The following C2orf76 variants were observed in gnomAD, a reference collection of about 807,000 sequenced individuals.
C2orf76 encodes chromosome 2 open reading frame 76, also known as UPF0538 protein C2orf76.
Under a neutral mutation model 16.9 loss-of-function variants are expected in C2orf76, and 23 were observed. That is an observed-to-expected ratio of 1.36 (90% CI 0.98 to 1.93). The LOEUF is 1.93. Among genes scored for constraint, C2orf76 ranks in the 30% most tolerant of loss-of-function variants. The pLI is 0.00. For missense variants in C2orf76, 152 were observed against 152.6 expected, an observed-to-expected ratio of 1.00 and a Z score of 0.02; for synonymous variants, 48 against 52.3, an observed-to-expected ratio of 0.92 and a Z score of 0.35.
chr2:119,307,688 T>A (rs1678836444), intron 5 of C2orf76, among the ~76,000 whole-genome samples: 1 of 151,748 alleles, frequency 6.6e-6, no homozygotes, highest in Non-Finnish European at 1.5e-5. Context: ...CAGTTTGGAG[T>A]CCTCACAACA....
intron 2 of C2orf76, among the ~76,000 whole-genome samples, chr2:119,335,711 T>G (rs893155172): frequency 1.3e-5 from 2 of 152,216 alleles, no homozygotes; most frequent in Non-Finnish European, 2.9e-5. Context: ...TGACATGACT[T>G]CAGCCACTTA....
chr2:119,360,154 AT>A (rs1439348584), intron 1 of C2orf76, among the ~76,000 whole-genome samples: 2 of 152,198 alleles, frequency 1.3e-5, no homozygotes, highest in Non-Finnish European at 2.9e-5. Flanking sequence ...GATAGTTAGC[AT>A]TTTTTAGCAA....
chr2:119,289,483 C>A, the C2orf76 span, among the ~76,000 whole-genome samples: 1 of 151,858 alleles, frequency 6.6e-6, no homozygotes, highest in East Asian at 1.9e-4. Flanking sequence ...GTCAAGTGAT[C>A]GAGACCATCC....
chr2:119,306,229 G>A (rs1036179469), intron 5 of C2orf76, among the ~76,000 whole-genome samples: 2 of 152,150 alleles, frequency 1.3e-5, no homozygotes, highest in Admixed American at 1.3e-4. Flanking sequence ...AAGGGAATGG[G>A]ACTCACACCT....
At chr2:119,300,438 T>C (rs1678599773), downstream of C2orf76, among the ~76,000 whole-genome samples, 1 of 152,180 alleles carries the variant, frequency 6.6e-6, no homozygotes, top group East Asian at 1.9e-4. Context: ...ATCATGCTAC[T>C]GGCTCCCATC....
intron 5 of C2orf76, among the ~76,000 whole-genome samples, chr2:119,307,108 A>G (rs1302453999): frequency 6.6e-6 from 1 of 152,052 alleles, no homozygotes; most frequent in African/African-American, 2.4e-5. Flanking sequence ...AAATCTAACC[A>G]GACACGGCAC....
the C2orf76 span, among the ~76,000 whole-genome samples, chr2:119,285,823 A>G: frequency 6.6e-6 from 1 of 152,224 alleles, no homozygotes; most frequent in Admixed American, 6.5e-5. Context: ...CAGAAATAAC[A>G]GACCCTTGCA....
chr2:119,315,209 C>G (rs1261069664), intron 4 of C2orf76, among the ~76,000 whole-genome samples: 1 of 152,022 alleles, frequency 6.6e-6, no homozygotes. Context: ...CACACACACA[C>G]AGAGGAGGCT....
intron 2 of C2orf76, among the ~76,000 whole-genome samples, chr2:119,335,375 G>C (rs1034771540): frequency 3.9e-5 from 6 of 152,166 alleles, no homozygotes; most frequent in African/African-American, 1.4e-4. Context: ...TGGAAATAAA[G>C]CTGATTCTAA....
the C2orf76 span, among the ~76,000 whole-genome samples, chr2:119,288,780 C>A: frequency 5.4e-4 from 82 of 152,124 alleles, 5 homozygotes; most frequent in East Asian, 0.016. Context: ...AGAGGAGGCA[C>A]TCACCTGCTT....
the C2orf76 span, among the ~76,000 whole-genome samples, chr2:119,293,142 G>A: frequency 6.6e-6 from 1 of 152,202 alleles, no homozygotes; most frequent in African/African-American, 2.4e-5. Context: ...GCCAGCCACT[G>A]TTCTATACAT....
intron 1 of C2orf76, 23 bp downstream of exon 1, chr2:119,366,767 C>T: frequency 1.8e-6 from 1 of 560,896 alleles, no homozygotes; most frequent in Non-Finnish European, 3.2e-6. Context: ...CAAAACTAAG[C>T]ACCCTACTTC....
At chr2:119,337,794 G>C (rs1044769568) in intron 2 of C2orf76, among the ~76,000 whole-genome samples, 1 of 152,214 alleles carries the variant, frequency 6.6e-6, no homozygotes, top group African/African-American at 2.4e-5. Context: ...GTGTGAGTAG[G>C]TGGGTCTGAG....
At chr2:119,302,629 G>T in intron 5 of C2orf76, 81 bp from the exon 6 acceptor site, 3 of 798,212 alleles carry the variant, frequency 3.8e-6, no homozygotes, top group South Asian at 2.9e-5. Flanking sequence ...ATATGACTTT[G>T]ATTCGGTATT....
intron 1 of C2orf76, among the ~76,000 whole-genome samples, chr2:119,341,724 G>A (rs937759396): frequency 1.3e-5 from 2 of 151,932 alleles, no homozygotes; most frequent in Admixed American, 1.3e-4. Flanking sequence ...ATAAAAGTAA[G>A]TACTAGAAAA....
At chr2:119,349,519 G>A (rs948499132) in intron 1 of C2orf76, among the ~76,000 whole-genome samples, 9 of 152,128 alleles carry the variant, frequency 5.9e-5, no homozygotes, top group Non-Finnish European at 1.2e-4. Context: ...AGTGGTATAC[G>A]TCAACATCAA....
intron 3 of C2orf76, 97 bp from the exon 4 acceptor site, chr2:119,317,600 T>A: frequency 1.1e-6 from 1 of 879,104 alleles, no homozygotes; most frequent in Non-Finnish European, 1.8e-6. Flanking sequence ...AATTGAGAAA[T>A]GTAAGTCCTT....
upstream of C2orf76, chr2:119,367,044 C>A (rs375206897): frequency 6.2e-6 from 10 of 1,613,964 alleles, no homozygotes; most frequent in Non-Finnish European, 8.5e-6. Context: ...TCTTGCAAGT[C>A]GGCCAGGATG....
chr2:119,286,761 G>A, the C2orf76 span, among the ~76,000 whole-genome samples: 61 of 152,276 alleles, frequency 4.0e-4, no homozygotes, highest in South Asian at 8.3e-4. Flanking sequence ...GACACCAGAC[G>A]GGAGAGTGTC....
Sources: allele counts gnomAD v4.1 joint callset (sites outside exome capture counted in the v4.1 genomes callset), GRCh38; gene constraint gnomAD v4.1.1; transcripts MANE v1.5; gene names NCBI Gene and HGNC (gene_info 2026-07-23, HGNC 2026-07-21).